The following SYTL5 variants were observed in gnomAD, a reference collection of about 807,000 sequenced individuals.
SYTL5 encodes synaptotagmin-like protein 5.
SYTL5 carries 34 observed loss-of-function variants against 55.9 expected under a neutral mutation model. That is an observed-to-expected ratio of 0.61 (90% confidence interval 0.46 to 0.81). The LOEUF (loss-of-function observed/expected upper bound fraction) is 0.81. SYTL5 is among the 30% of genes least tolerant of loss of function. The probability of loss-of-function intolerance (pLI) is 0.00; values close to 1 mark genes in which losing one functional copy is unlikely to be tolerated. For synonymous variants in SYTL5, 221 were observed against 188.7 expected (o/e 1.17, Z -1.40); for missense variants, 637 against 546.7 (o/e 1.17, Z -1.65).
chrX:37,895,445 C>G, the SYTL5 span, among the ~76,000 whole-genome samples: 1 of 94,777 alleles, frequency 1.1e-5, no homozygotes, highest in Middle Eastern at 4.9e-3. Context: ...TCCTTCCTTC[C>G]TTCCTTCCTT....
upstream of SYTL5, among the ~76,000 whole-genome samples, chrX:38,003,042 G>T (rs1933896917): frequency 9.0e-6 from 1 of 111,604 alleles, no homozygotes; most frequent in East Asian, 2.8e-4. Flanking sequence ...ATTAATTTTT[G>T]TATAAGGTGC....
intron 6 of SYTL5, 22 bp downstream of exon 6, chrX:38,076,723 C>A (rs1233419259): frequency 1.7e-6 from 2 of 1,200,150 alleles, no homozygotes; most frequent in Non-Finnish European, 2.2e-6. Flanking sequence ...ACAGATTGAG[C>A]AATGATGTAG....
chrX:37,966,111 T>A, the SYTL5 span, among the ~76,000 whole-genome samples: 2 of 111,936 alleles, frequency 1.8e-5, no homozygotes, highest in East Asian at 5.6e-4. Context: ...CAATTTTTCT[T>A]AGGGAATCAT....
At chrX:38,082,087 T>G (rs1451559952) in intron 6 of SYTL5, among the ~76,000 whole-genome samples, 1 of 112,018 alleles carries the variant, frequency 8.9e-6, no homozygotes, top group African/African-American at 3.2e-5. Context: ...TATGTGTGAC[T>G]TTCCTCATTA....
the SYTL5 span, among the ~76,000 whole-genome samples, chrX:37,977,210 A>G: frequency 1.8e-5 from 2 of 111,340 alleles, no homozygotes; most frequent in African/African-American, 6.5e-5. Context: ...GTAAGCATGC[A>G]AGAACAATGA....
the SYTL5 span, chrX:37,945,838 C>A: frequency 5.4e-5 from 8 of 148,218 alleles, no homozygotes; most frequent in African/African-American, 2.2e-4. Flanking sequence ...CTACAGTCAC[C>A]TTATGACTAT....
intron 10 of SYTL5, chrX:38,102,891 A>T: frequency 2.2e-6 from 1 of 445,591 alleles, no homozygotes; most frequent in Non-Finnish European, 3.8e-6. Flanking sequence ...TTCTTACTTT[A>T]GTGTTCAAGG....
At chrX:37,992,400 C>T in the SYTL5 span, among the ~76,000 whole-genome samples, 3 of 113,110 alleles carry the variant, frequency 2.7e-5, no homozygotes, top group Non-Finnish European at 3.7e-5. Flanking sequence ...GCTGCACAGC[C>T]GGCTCCAACA....
At chrX:37,912,440 G>A in the SYTL5 span, among the ~76,000 whole-genome samples, 1 of 112,095 alleles carries the variant, frequency 8.9e-6, no homozygotes, top group South Asian at 3.7e-4. Context: ...CCTGGTCAGA[G>A]TGTCTGGTCT....
chrX:38,105,363 T>G (rs1426099738), intron 10 of SYTL5, among the ~76,000 whole-genome samples: 2 of 112,959 alleles, frequency 1.8e-5, no homozygotes, highest in Non-Finnish European at 3.7e-5. Context: ...GAGCGCAGTT[T>G]TGTTTTATAC....
rs771411201 is a variant in SYTL5 at position 38,094,371 on chromosome X, G to A, written c.908G>A (p.Arg303Lys). The change falls in exon 8 of 17, where the codon AGA becomes AAA. Residue 303 changes from arginine to lysine, a missense_variant. Physicochemically the swap from Arg to Lys is conservative, Grantham distance 26. Coordinates refer to ENST00000297875, the MANE Select transcript of SYTL5 (RefSeq NM_138780.3). ...TSQELTKSHR[R>K]NTSGTPSIAV... ...CAGGAGCTCACAAAGAGTCACCGCA[G>A]AAACACTTCTGGCACACCTTCCATA... 3 of 1,206,839 alleles carry A rather than the reference G, an allele frequency of 2.5e-6. No individual in the cohort carries two copies. Among genetic ancestry groups the A allele is most frequent in the Non-Finnish European group, 2.2e-6 (2 of 892,124 alleles).
chrX:38,099,867 A>T lies in SYTL5; in HGVS notation c.1063-2475A>T, dbSNP rs181505313. Among the ~76,000 whole-genome samples the T allele has an allele frequency of 2.0e-4, 22 of 111,623 alleles. 1 individual carries two copies. The highest frequency in any genetic ancestry group is 1.6e-3 in the Admixed American group (17 of 10,592). The stretch of plus-strand genomic sequence containing the variant: ...ATCCTTCATTCTGCTAATGCAGTTT[A>T]TCACAACTATTGATTTGTTTATGTT... On this transcript the variant is annotated intron_variant, in intron 9 of 16. Coordinates refer to ENST00000297875, the MANE Select transcript of SYTL5 (RefSeq NM_138780.3).
chrX:38,122,243 G>A, intron 15 of SYTL5, 28 bp downstream of exon 15: 1 of 1,183,248 alleles, frequency 8.5e-7, no homozygotes, highest in Non-Finnish European at 1.1e-6. Context: ...CTTTTTGGAT[G>A]ATACTTAATA....
the SYTL5 span, among the ~76,000 whole-genome samples, chrX:37,902,140 T>C: frequency 8.9e-6 from 1 of 112,117 alleles, no homozygotes; most frequent in African/African-American, 3.2e-5. Context: ...CTTTTAGCTT[T>C]ATTTATGTTT....
the SYTL5 span, among the ~76,000 whole-genome samples, chrX:37,934,883 C>T: frequency 1.8e-5 from 2 of 111,601 alleles, no homozygotes. Flanking sequence ...ATCAGCCTGC[C>T]TTGGCCTCCC....
At chrX:38,096,801 G>A (rs1338949140) in intron 9 of SYTL5, among the ~76,000 whole-genome samples, 1 of 110,817 alleles carries the variant, frequency 9.0e-6, no homozygotes, top group Non-Finnish European at 1.9e-5. Context: ...AATGTAAAAT[G>A]GTATTGATAG....
intron 9 of SYTL5, among the ~76,000 whole-genome samples, chrX:38,096,722 ATAT>A (rs1936948552): frequency 9.0e-6 from 1 of 111,397 alleles, no homozygotes; most frequent in Non-Finnish European, 1.9e-5. Flanking sequence ...TCCCAGTCTA[ATAT>A]TCTGATATTC....
chrX:38,027,775 G>A (rs1304001239), intron 1 of SYTL5, among the ~76,000 whole-genome samples: 1 of 109,543 alleles, frequency 9.1e-6, no homozygotes, highest in Non-Finnish European at 1.9e-5. Flanking sequence ...TTAAAGCCAA[G>A]CCCAGCCATG....
At chrX:37,899,578 A>G in the SYTL5 span, among the ~76,000 whole-genome samples, 25 of 111,870 alleles carry the variant, frequency 2.2e-4, no homozygotes, top group African/African-American at 8.1e-4. Context: ...CCTTAGAACC[A>G]GACACTCCAG....
Sources: gnomAD v4.1 joint callset for allele counts (sites outside exome capture counted in the v4.1 genomes callset) on GRCh38, gnomAD v4.1.1 for gene constraint, MANE v1.5 for transcripts, NCBI Gene and HGNC (gene_info 2026-07-23, HGNC 2026-07-21) for gene names.